The following EPB41L2 variants were observed in gnomAD, a reference collection of about 807,000 sequenced individuals.
EPB41L2 encodes band 4.1-like protein 2.
EPB41L2 carries 43 observed loss-of-function variants against 113.0 expected under a neutral mutation model. The ratio of observed to expected loss-of-function variants is 0.38; its 90% confidence interval spans 0.30 to 0.49. The LOEUF (loss-of-function observed/expected upper bound fraction) is 0.49. Among genes scored for constraint, EPB41L2 ranks in the 20% least tolerant of loss-of-function variants. The pLI is 0.95. For missense variants in EPB41L2, 1,147 were observed against 1,223.4 expected (o/e 0.94, Z 0.93); for synonymous variants, 442 against 436.7 (o/e 1.01, Z -0.15).
Position 130,974,318 on chromosome 6 carries a change from G to T in EPB41L2, c.-14-17819C>A, listed in dbSNP as rs2327004. ...CTTACCAGAAATTCTACAACTTAGA[G>T]TAACTGTGAGAAATAAGTACCTGTT... is the stretch of plus-strand genomic sequence containing the variant. On this transcript the variant is annotated intron_variant, in intron 1 of 19. Coordinates refer to ENST00000337057, the MANE Select transcript of EPB41L2 (RefSeq NM_001431.4). Among the ~76,000 whole-genome samples, 1,270 of 152,266 alleles carry T rather than the reference G, an allele frequency of 8.3e-3. 27 individuals are homozygous for T. Among genetic ancestry groups the T allele is most frequent in the African/African-American group, 0.029 (1,221 of 41,550 alleles).
intron 3 of EPB41L2, among the ~76,000 whole-genome samples, chr6:130,944,443 A>G (rs183948551): frequency 1.3e-5 from 2 of 152,290 alleles, no homozygotes; most frequent in Admixed American, 6.5e-5. Flanking sequence ...CTAATAATAA[A>G]CCAGGTGAAG....
At chr6:130,950,419 C>T (rs1814490874) in intron 3 of EPB41L2, among the ~76,000 whole-genome samples, 1 of 151,650 alleles carries the variant, frequency 6.6e-6, no homozygotes. Context: ...ACCTTCATGC[C>T]AATAAATTTG....
chr6:130,923,729 G>C (rs1157255210), intron 4 of EPB41L2, among the ~76,000 whole-genome samples: 1 of 151,992 alleles, frequency 6.6e-6, no homozygotes, highest in East Asian at 1.9e-4. Context: ...ACATAAGCAG[G>C]GGCATCTCTG....
At chr6:131,014,669 G>A (rs773763739) in intron 1 of EPB41L2, among the ~76,000 whole-genome samples, 1 of 152,140 alleles carries the variant, frequency 6.6e-6, no homozygotes, top group South Asian at 2.1e-4. Context: ...CTCTCCAAAA[G>A]GGTACAATTT....
chr6:131,027,516 C>T (rs536942490), intron 1 of EPB41L2, among the ~76,000 whole-genome samples: 130 of 152,330 alleles, frequency 8.5e-4, no homozygotes, highest in Middle Eastern at 3.4e-3. Context: ...AACAATTATC[C>T]ATTACCTCAC....
intron 1 of EPB41L2, among the ~76,000 whole-genome samples, chr6:131,022,335 C>T (rs1049590811): frequency 6.6e-5 from 10 of 152,120 alleles, no homozygotes; most frequent in Non-Finnish European, 1.3e-4. Flanking sequence ...ACTCCTGTCA[C>T]ATGGTAACGT....
chr6:130,926,790 C>T lies in EPB41L2; in HGVS notation c.706-81G>A, dbSNP rs941551719. 1.0e-5 allele frequency: 8 copies of T among 765,988 alleles called. No individual in the cohort carries two copies. The Admixed American group carries it at 2.2e-4, about 21-fold the overall frequency. The allele number at this position is 765,988 out of a possible 1,614,324, so 47.4% of individuals were successfully genotyped here. On this transcript the variant is annotated intron_variant, in intron 3 of 19. Transcript: ENST00000337057. ...TAAATTTAAGACATCATATCAGATA[C>T]ATGATTTATTATAAATTAACATTAA...
At chr6:130,928,367 A>G (rs1328253467) in intron 3 of EPB41L2, among the ~76,000 whole-genome samples, 1 of 152,226 alleles carries the variant, frequency 6.6e-6, no homozygotes, top group East Asian at 1.9e-4. Flanking sequence ...TGCTTGCCTT[A>G]ATCTGCTCAT....
intron 1 of EPB41L2, among the ~76,000 whole-genome samples, chr6:130,973,674 T>C (rs1369576730): frequency 3.3e-5 from 5 of 152,176 alleles, no homozygotes; most frequent in Non-Finnish European, 7.4e-5. Context: ...TTGCCTCTTT[T>C]GGAGAGGCTA....
chr6:130,901,698 C>T (rs1170225272), intron 6 of EPB41L2, among the ~76,000 whole-genome samples: 1 of 152,130 alleles, frequency 6.6e-6, no homozygotes, highest in East Asian at 1.9e-4. Context: ...AAAGCAGTAG[C>T]TAGCTCAGTT....
At chr6:130,846,565 T>C (rs994313699) in intron 19 of EPB41L2, among the ~76,000 whole-genome samples, 2 of 152,222 alleles carry the variant, frequency 1.3e-5, no homozygotes, top group African/African-American at 2.4e-5. Flanking sequence ...TGAAGCACAG[T>C]ATCTGTTCTA....
chr6:131,042,670 G>GA (rs142844139), intron 1 of EPB41L2, among the ~76,000 whole-genome samples: 42,728 of 151,830 alleles, frequency 0.28, 7,102 homozygotes, highest in Non-Finnish European at 0.38. Context: ...AGAAGAGGGG[G>GA]AAAAAAAGAG....
intron 1 of EPB41L2, among the ~76,000 whole-genome samples, chr6:130,996,137 A>T (rs1267153782): frequency 3.3e-5 from 5 of 152,192 alleles, no homozygotes; most frequent in African/African-American, 1.2e-4. Flanking sequence ...TTAGTTACAA[A>T]AGAACATCCA....
chr6:130,997,748 T>C (rs1354297430), intron 1 of EPB41L2, among the ~76,000 whole-genome samples: 2 of 152,110 alleles, frequency 1.3e-5, no homozygotes, highest in African/African-American at 4.8e-5. Flanking sequence ...GACTATTGCA[T>C]TTCAGGGGGG....
At chr6:130,877,717 G>C (rs1788006460) in intron 14 of EPB41L2, among the ~76,000 whole-genome samples, 1 of 151,980 alleles carries the variant, frequency 6.6e-6, no homozygotes, top group Non-Finnish European at 1.5e-5. Context: ...TCTAAAGATA[G>C]CCTATATTTC....
intron 3 of EPB41L2, among the ~76,000 whole-genome samples, chr6:130,931,565 C>T (rs1806878125): frequency 6.6e-6 from 1 of 152,106 alleles, no homozygotes; most frequent in Non-Finnish European, 1.5e-5. Context: ...CAAGTTATAA[C>T]ATTTATAGCA....
rs561804788 is a variant in EPB41L2, at chr6:130,909,799, T to C, written c.811-936A>G. ...CACAATTGCTACTAAGAGAAAAAAA[T>C]ACCTAGGAATACAACTTACAAGGAA... is the stretch of plus-strand genomic sequence containing the variant. On this transcript the variant is annotated intron_variant, in intron 4 of 19. Coordinates refer to ENST00000337057, the MANE Select transcript of EPB41L2 (RefSeq NM_001431.4). Among the ~76,000 whole-genome samples, 240 of 151,794 alleles carry C rather than the reference T, an allele frequency of 1.6e-3. 1 individual carries two copies. Among genetic ancestry groups the C allele is most frequent in the Non-Finnish European group, 2.9e-3 (197 of 67,926 alleles).
At chr6:130,885,029 A>T (rs968979491) in intron 12 of EPB41L2, 67 bp downstream of exon 12, 2 of 1,546,724 alleles carry the variant, frequency 1.3e-6, no homozygotes, top group Admixed American at 3.7e-5. Flanking sequence ...CTGAAACAGA[A>T]AATACAACAG....
chr6:131,009,267 C>T (rs908939181), intron 1 of EPB41L2, among the ~76,000 whole-genome samples: 1 of 152,188 alleles, frequency 6.6e-6, no homozygotes, highest in African/African-American at 2.4e-5. Flanking sequence ...CTCATTCACT[C>T]TCCTGCTGCC....
Sources: gnomAD v4.1 joint callset for allele counts (sites outside exome capture counted in the v4.1 genomes callset) on GRCh38, gnomAD v4.1.1 for gene constraint, MANE v1.5 for transcripts, NCBI Gene and HGNC (gene_info 2026-07-23, HGNC 2026-07-21) for gene names.